The following RPS6KA1 variants were observed in gnomAD, a reference collection of about 807,000 sequenced individuals.
RPS6KA1 encodes ribosomal protein S6 kinase alpha-1.
Under a neutral mutation model 91.3 loss-of-function variants are expected in RPS6KA1, and 48 were observed. The ratio of observed to expected loss-of-function variants is 0.53; its 90% CI spans 0.42 to 0.67. The LOEUF (loss-of-function observed/expected upper bound fraction) is 0.67. Ranked by LOEUF, RPS6KA1 falls within the 30% of genes least tolerant of loss-of-function variation. The pLI is 0.00. For synonymous variants in RPS6KA1, 359 were observed against 384.7 expected, an observed-to-expected ratio of 0.93 and a Z score of 0.78; for missense variants, 719 against 960.5, an observed-to-expected ratio of 0.75 and a Z score of 3.32.
At position 26,542,399 on chromosome 1, in the gene RPS6KA1, A is replaced by G. The variant is rs548470037; in HGVS notation, c.109-4468A>G. Among the ~76,000 whole-genome samples, 7 of 152,300 alleles carry G rather than the reference A, an allele frequency of 4.6e-5. 2 individuals carry two copies. The highest frequency in any genetic ancestry group is 1.7e-4 in the African/African-American group (7 of 41,574). On this transcript the variant is annotated intron_variant, in intron 2 of 21. Transcript: ENST00000374168. ...GGGAAGTCCGTGTGTGCGTGGGGGC[A>G]TGTGTTTCTGCATAGGGGTTGTCTG...
In RPS6KA1 at chr1:26,554,115, A is replaced by G; in HGVS notation, c.576-99A>G. 1 of 1,266,350 alleles carries G rather than the reference A, an allele frequency of 7.9e-7. No homozygotes were observed. The highest frequency in any genetic ancestry group is 1.1e-6 in the Non-Finnish European group (1 of 909,568). 78.4% of individuals were successfully genotyped at this position (1,266,350 alleles called of 1,614,324 possible). On this transcript the variant is annotated intron_variant, in intron 7 of 21. Transcript: ENST00000374168. The surrounding 1 kb of genome is among the most constrained non-coding windows in gnomAD (Gnocchi z 4.6). ...GTCATCAGAGAGAATTGGGTGGAGC[A>G]CCTCCTCTGGGCTGAACCCAACTCC...
At chr1:26,541,931 G>C (rs1481879631) in intron 2 of RPS6KA1, among the ~76,000 whole-genome samples, 1 of 152,222 alleles carries the variant, frequency 6.6e-6, no homozygotes, top group Non-Finnish European at 1.5e-5. Flanking sequence ...GTAGGAGGAA[G>C]TAAATAAAGA....
In RPS6KA1 at chr1:26,560,811, G is replaced by C; in HGVS notation, c.1301G>C (p.Arg434Pro). 1 of 1,614,196 alleles carries C rather than the reference G, an allele frequency of 6.2e-7. No individual in the cohort carries two copies. The highest frequency in any genetic ancestry group is 1.1e-5 in the South Asian group (1 of 91,074). Residue 434 changes from arginine to proline, a missense_variant, in exon 15 of 22, where the codon CGC (arginine) becomes CCC (proline). Physicochemically the swap from Arg to Pro is moderately radical, Grantham distance 103. Transcript: ENST00000374168. ...GTGGGCTCCTACTCTGAGTGCAAGC[G>C]CTGTGTCCACAAGGCCACCAACATG... is the stretch of plus-strand genomic sequence containing the variant. ...IGVGSYSECK[R>P]CVHKATNMEY...
chr1:26,537,036 A>C, intron 2 of RPS6KA1, 67 bp downstream of exon 2: 1 of 1,544,824 alleles, frequency 6.5e-7, no homozygotes, highest in African/African-American at 1.4e-5. Context: ...GCTTTGGAGG[A>C]GGTTGAGGGC....
chr1:26,553,577 C>T, intron 7 of RPS6KA1, 80 bp downstream of exon 7: 1 of 844,418 alleles, frequency 1.2e-6, no homozygotes, highest in South Asian at 1.7e-5. Flanking sequence ...GGTGGGTGGG[C>T]ATGGCTTTCT....
Position 26,547,670 on chromosome 1 carries a change from C to A in RPS6KA1, c.307+400C>A, listed in dbSNP as rs931095086. 1 of 231,808 alleles carries A rather than the reference C, an allele frequency of 4.3e-6. No homozygotes were observed. Among genetic ancestry groups the A allele is most frequent in the Non-Finnish European group, 8.9e-6 (1 of 112,706 alleles). The allele number at this position is 231,808 out of a possible 1,614,324, so 14.4% of individuals were successfully genotyped here. Reference sequence around the variant, plus strand: ...CAGGGAGCCCAGGGAGGCAGCTGGGCTAGGCAAGAGAGGGTGAGTCCAGGC... The same window carrying A: ...CAGGGAGCCCAGGGAGGCAGCTGGGATAGGCAAGAGAGGGTGAGTCCAGGC... On this transcript the variant is annotated intron_variant, in intron 4 of 21. Transcript: ENST00000374168. The surrounding 1 kb of genome is among the most constrained non-coding windows in gnomAD (Gnocchi z 4.1).
intron 2 of RPS6KA1, among the ~76,000 whole-genome samples, chr1:26,545,255 C>T (rs570287432): frequency 7.9e-5 from 12 of 151,680 alleles, no homozygotes; most frequent in South Asian, 2.1e-4. Flanking sequence ...CTGCAAGCTC[C>T]GCCTTCCAGG....
chr1:26,536,950 C>T lies in RPS6KA1; in HGVS notation c.89C>T (p.Ala30Val), dbSNP rs1487624158. The part of the protein sequence containing the change: ...PENGQTSGEE[A>V]GLQPSKDEGV... Reference sequence around the variant, plus strand: ...AATGGACAGACCTCAGGGGAAGAAGCTGGACTTCAGCCGTCCAAGGTGAGG... The same window carrying T: ...AATGGACAGACCTCAGGGGAAGAAGTTGGACTTCAGCCGTCCAAGGTGAGG... The change falls in exon 2 of 22, where the codon GCT becomes GTT. Residue 30 changes from alanine (A) to valine (V), a missense_variant. This residue lies in a region of RPS6KA1 where 57 missense variants were observed against 55.8 expected (regional missense o/e 1.02). Coordinates refer to ENST00000374168, the MANE Select transcript of RPS6KA1 (RefSeq NM_002953.4). 3 of 1,614,036 alleles carry T rather than the reference C, an allele frequency of 1.9e-6. No homozygotes were observed. The highest frequency in any genetic ancestry group is 8.5e-7 in the Non-Finnish European group (1 of 1,180,014).
Position 26,558,422 on chromosome 1 carries a change from C to G in RPS6KA1, c.1085-385C>G, listed in dbSNP as rs546092810. Reference sequence around the variant, plus strand: ...AGCTGGACTTACTCCTGAAGGCAGACGGGAACCTTTGAAAGGTGTGGGCAG... The same window carrying G: ...AGCTGGACTTACTCCTGAAGGCAGAGGGGAACCTTTGAAAGGTGTGGGCAG... On this transcript the variant is annotated intron_variant, in intron 13 of 21. Transcript: ENST00000374168. This position sits in a 1 kb window ranked among gnomAD's most constrained non-coding sequence, Gnocchi z 4.0. Among the ~76,000 whole-genome samples, 2 of 152,206 alleles carry G rather than the reference C, an allele frequency of 1.3e-5. No individual in the cohort carries two copies. The highest frequency in any genetic ancestry group is 4.1e-4 in the South Asian group (2 of 4,820).
rs190579610 is a variant in RPS6KA1, at chr1:26,572,157, C to T, written c.1830-19C>T. 162 of 1,596,526 alleles carry T rather than the reference C, an allele frequency of 1.0e-4. No individual in the cohort carries two copies. Among genetic ancestry groups the T allele is most frequent in the Middle Eastern group, 1.7e-4 (1 of 6,040 alleles). ...TGGAGGCCAGAGTCTGTACCCAGAC[C>T]GTGCGGGCTTTTCTGCAGATATACT... On this transcript the variant is annotated intron_variant, in intron 19 of 21. Coordinates refer to ENST00000374168, the MANE Select transcript of RPS6KA1 (RefSeq NM_002953.4).
At position 26,547,214 on chromosome 1, in the gene RPS6KA1, G is replaced by A. The variant is rs1393569081; in HGVS notation, c.251G>A (p.Arg84Gln). The A allele has an allele frequency of 5.6e-6, 9 of 1,614,030 alleles. No individual in the cohort carries two copies. Among genetic ancestry groups the A allele is most frequent in the East Asian group, 2.2e-5 (1 of 44,868 alleles). Residue 84 changes from arginine to glutamine, a missense_variant, in exon 4 of 22, where the codon CGG (arginine) becomes CAG (glutamine). Physicochemically the swap from Arg to Gln is conservative, Grantham distance 43 (BLOSUM62 1). Transcript: ENST00000374168. The surrounding 1 kb of genome is among the most constrained non-coding windows in gnomAD (Gnocchi z 4.1). Reference sequence around the variant, plus strand: ...GTCTTCCTGGTGCGGAAAGTCACCCGGCCTGACAGTGGGCACCTGTATGCT... The same window carrying A: ...GTCTTCCTGGTGCGGAAAGTCACCCAGCCTGACAGTGGGCACCTGTATGCT... ...GKVFLVRKVTRPDSGHLYAMK... is the reference protein window; with the variant it reads ...GKVFLVRKVTQPDSGHLYAMK...
intron 12 of RPS6KA1, 109 bp downstream of exon 12, chr1:26,556,827 C>CAG: frequency 7.4e-7 from 1 of 1,347,062 alleles, no homozygotes; most frequent in Admixed American, 1.7e-5. Context: ...GACGCAGGAG[C>CAG]AGAGGGTCAC....
At chr1:26,559,122 A>G (rs908145164) in intron 14 of RPS6KA1, among the ~76,000 whole-genome samples, 185 bp downstream of exon 14, 2 of 152,180 alleles carry the variant, frequency 1.3e-5, no homozygotes, top group Non-Finnish European at 2.9e-5. Flanking sequence ...GGATGATGAT[A>G]TGGGTGTACA....
Position 26,573,449 on chromosome 1 carries a change from T to C in RPS6KA1, c.2085+88T>C, listed in dbSNP as rs1326934634. On this transcript the variant is annotated intron_variant, in intron 21 of 21. Transcript: ENST00000374168. ...CTTGTGGAAGAGCCAGGCAATGCCATGTCTGTACCAAGCACCATGAGGTGG... is the reference window on the plus strand; with the variant it reads ...CTTGTGGAAGAGCCAGGCAATGCCACGTCTGTACCAAGCACCATGAGGTGG... 4.8e-6 allele frequency: 7 copies of C among 1,460,472 alleles called. No individual in the cohort carries two copies. In the African/African-American group the frequency reaches 7.0e-5, roughly 15 times the overall value. 90.5% of individuals were successfully genotyped at this position (1,460,472 alleles called of 1,614,324 possible). A position where few individuals can be genotyped will look rare whatever the true frequency, so the allele number is the denominator to read the frequency against.
chr1:26,556,632 C>A, intron 11 of RPS6KA1, 22 bp from the exon 12 acceptor site: 2 of 1,613,862 alleles, frequency 1.2e-6, no homozygotes, highest in Non-Finnish European at 1.7e-6. Flanking sequence ...CAGGGACAGA[C>A]CCTTCATTTG....
chr1:26,560,567 G>T (rs1557508797), intron 14 of RPS6KA1, among the ~76,000 whole-genome samples, 159 bp from the exon 15 acceptor site: 1 of 152,208 alleles, frequency 6.6e-6, no homozygotes, highest in Non-Finnish European at 1.5e-5. Context: ...GGCCCAGAGA[G>T]GGGCAGGCTG....
intron 2 of RPS6KA1, among the ~76,000 whole-genome samples, chr1:26,541,931 GTAAA>G (rs1181068869): frequency 6.6e-6 from 1 of 152,222 alleles, no homozygotes; most frequent in Non-Finnish European, 1.5e-5. Context: ...GTAGGAGGAA[GTAAA>G]TAAAGAGGAA....
At chr1:26,531,692 C>G (rs577261985) in intron 1 of RPS6KA1, among the ~76,000 whole-genome samples, 2 of 152,308 alleles carry the variant, frequency 1.3e-5, no homozygotes, top group South Asian at 4.1e-4. Flanking sequence ...TCCTCAGGAG[C>G]TTCGCTCCAG....
chr1:26,554,530 G>C lies in RPS6KA1; in HGVS notation c.614-66G>C. ...TGGCCTCTGGGCACGGGGGTTGGGT[G>C]TGCAAAGGGTGGCAGCAAGGAAGGC... is the stretch of plus-strand genomic sequence containing the variant. On this transcript the variant is annotated intron_variant, in intron 8 of 21. Coordinates refer to ENST00000374168, the MANE Select transcript of RPS6KA1 (RefSeq NM_002953.4). The surrounding 1 kb of genome is among the most constrained non-coding windows in gnomAD (Gnocchi z 4.6). 1 of 1,553,884 alleles carries C rather than the reference G, an allele frequency of 6.4e-7. No individual in the cohort carries two copies.
Sources: allele counts gnomAD v4.1 joint callset (sites outside exome capture counted in the v4.1 genomes callset), GRCh38; gene constraint gnomAD v4.1.1; regional missense constraint gnomAD v4.1.1; non-coding constraint Gnocchi (gnomAD v3.1); transcripts MANE v1.5; gene names NCBI Gene and HGNC (gene_info 2026-07-23, HGNC 2026-07-21).